The following GALNT9 variants were observed in gnomAD, a reference collection of about 807,000 sequenced individuals.
GALNT9 encodes polypeptide N-acetylgalactosaminyltransferase 9, also known as GalNAc transferase 9.
A neutral mutation model predicts 63.1 loss-of-function variants in GALNT9; 47 were observed. The observed-to-expected ratio is 0.75, with a 90% CI of 0.59 to 0.95. The LOEUF (loss-of-function observed/expected upper bound fraction) is 0.95. GALNT9 is among the 40% of genes least tolerant of loss of function. The pLI is 0.00. For missense variants in GALNT9, 829 were observed against 874.8 expected (o/e 0.95, Z 0.66); for synonymous variants, 396 against 365.7 (o/e 1.08, Z -0.94).
rs1421551459 is a variant in GALNT9, at chr12:132,316,571, G to A, written c.238+12395C>T. Among the ~76,000 whole-genome samples, 1 of 152,038 alleles carries A rather than the reference G, an allele frequency of 6.6e-6. No individual in the cohort carries two copies. The highest frequency in any genetic ancestry group is 1.5e-5 in the Non-Finnish European group (1 of 67,988). On this transcript the variant is annotated intron_variant, in intron 1 of 10. Coordinates refer to ENST00000328957, the MANE Select transcript of GALNT9 (RefSeq NM_001122636.2). The surrounding 1 kb of genome is among the most constrained non-coding windows in gnomAD (Gnocchi z 4.3). ...CAGGGAATGGCCGTCTGAGGTGCGA[G>A]GTGCTGCCAGGACCTCCCGGGTCCT...
chr12:132,223,183 C>G (rs1481445076), intron 6 of GALNT9, among the ~76,000 whole-genome samples: 3 of 109,794 alleles, frequency 2.7e-5, no homozygotes, highest in African/African-American at 1.0e-4. Flanking sequence ...ACACCGCACA[C>G]AACCCACACC....
chr12:132,209,264 C>T (rs192711796), intron 6 of GALNT9, among the ~76,000 whole-genome samples: 4 of 152,064 alleles, frequency 2.6e-5, no homozygotes, highest in South Asian at 2.1e-4. Flanking sequence ...CGGTGGCTCA[C>T]GCCTGTAATC....
chr12:132,235,201 G>A (rs1877957018), intron 6 of GALNT9, among the ~76,000 whole-genome samples: 1 of 151,776 alleles, frequency 6.6e-6, no homozygotes. Context: ...ACACTCGATG[G>A]CGTGAGAGAG....
chr12:132,212,993 G>A (rs1164872182), intron 6 of GALNT9, among the ~76,000 whole-genome samples: 1 of 127,534 alleles, frequency 7.8e-6, no homozygotes, highest in African/African-American at 3.0e-5. Context: ...CTACAGCCTT[G>A]AGACCGTGAC....
In GALNT9 at chr12:132,327,772, C is replaced by T. The variant is rs1555246624; in HGVS notation, c.238+1194G>A. ...GGAAGTCAGGGTGCTCTGAGTCAGA[C>T]AAAGCTGGGACAACCCCTCCTCATG... On this transcript the variant is annotated intron_variant, in intron 1 of 10. Transcript: ENST00000328957. The surrounding 1 kb of genome is among the most constrained non-coding windows in gnomAD (Gnocchi z 4.3). Among the ~76,000 whole-genome samples the T allele has an allele frequency of 6.6e-6, 1 of 152,116 alleles. No individual in the cohort carries two copies. Among genetic ancestry groups the T allele is most frequent in the East Asian group, 1.9e-4 (1 of 5,178 alleles).
intron 2 of GALNT9, among the ~76,000 whole-genome samples, chr12:132,270,993 C>A (rs868956211): frequency 4.8e-4 from 73 of 152,054 alleles, no homozygotes; most frequent in African/African-American, 1.7e-3. Context: ...GCAGAGAGAA[C>A]GAGACAACAG....
chr12:132,258,468 C>T (rs965118217), intron 4 of GALNT9, among the ~76,000 whole-genome samples: 15 of 125,092 alleles, frequency 1.2e-4, no homozygotes, highest in Admixed American at 3.0e-4. Context: ...GAGTGTGCAG[C>T]GGCCCCGCTC....
intron 2 of GALNT9, chr12:132,272,655 A>G (rs1879912331): frequency 6.6e-6 from 1 of 152,276 alleles, no homozygotes; most frequent in Admixed American, 6.5e-5. Context: ...TAGTTAGCAT[A>G]AAATAATTTC....
Position 132,196,806 on chromosome 12 carries a change from GGCGGCTGTCCCAGCA to G in GALNT9, c.*286_*300del, listed in dbSNP as rs1356679683. 1.7e-6 allele frequency: 2 copies of G among 1,165,686 alleles called. No individual in the cohort carries two copies. Among genetic ancestry groups the G allele is most frequent in the Non-Finnish European group, 2.1e-6 (2 of 939,968 alleles). 72.2% of individuals were successfully genotyped at this position (1,165,686 alleles called of 1,614,324 possible). On this transcript the variant is annotated 3_prime_UTR_variant, in exon 11 of 11. Coordinates refer to ENST00000328957, the MANE Select transcript of GALNT9 (RefSeq NM_001122636.2). ...GGGGGGCTGTGGTACATGCAGAGGCGGCGGCTGTCCCAGCAGCCTGGCCAGGAGATACCGTGGAGA... is the reference window on the plus strand; with the variant it reads ...GGGGGGCTGTGGTACATGCAGAGGCGGCCTGGCCAGGAGATACCGTGGAGA...
In GALNT9 at chr12:132,286,051, C is replaced by T. The variant is rs1165334793; in HGVS notation, c.419+199G>A. 1.3e-5 allele frequency among the ~76,000 whole-genome samples: 2 copies of T among 152,020 alleles called. No homozygotes were observed. Among genetic ancestry groups the T allele is most frequent in the African/African-American group, 4.8e-5 (2 of 41,514 alleles). ...TCGTGGGGGCAGTCCCCGGCCAGCA[C>T]GGGGGAGCGCTCACTTTCCCGGCCA... On this transcript the variant is annotated intron_variant, in intron 2 of 10. Coordinates refer to ENST00000328957, the MANE Select transcript of GALNT9 (RefSeq NM_001122636.2). This position sits in a 1 kb window ranked among gnomAD's most constrained non-coding sequence, Gnocchi z 7.4.
chr12:132,272,288 G>A (rs1879900296), intron 2 of GALNT9, among the ~76,000 whole-genome samples: 1 of 152,224 alleles, frequency 6.6e-6, no homozygotes, highest in African/African-American at 2.4e-5. Context: ...CAATGGTGCG[G>A]GGCGGGACAG....
At chr12:132,291,969 G>A (rs1428791400) in intron 1 of GALNT9, among the ~76,000 whole-genome samples, 2 of 152,128 alleles carry the variant, frequency 1.3e-5, no homozygotes, top group East Asian at 1.9e-4. Context: ...CTCGTGGGTC[G>A]CATCCTCACT....
At chr12:132,308,993 C>T (rs1424282390) in intron 1 of GALNT9, among the ~76,000 whole-genome samples, 2 of 152,178 alleles carry the variant, frequency 1.3e-5, no homozygotes, top group African/African-American at 2.4e-5. Context: ...CCCGGGAGGA[C>T]GCTGACAACC....
At chr12:132,226,470 A>G (rs1877692729) in intron 6 of GALNT9, among the ~76,000 whole-genome samples, 1 of 147,486 alleles carries the variant, frequency 6.8e-6, no homozygotes, top group African/African-American at 2.5e-5. Flanking sequence ...CACCCCACAC[A>G]CTGTACACAT....
intron 6 of GALNT9, among the ~76,000 whole-genome samples, chr12:132,213,480 C>CCAGT (rs1555234962): frequency 1.0e-4 from 15 of 150,664 alleles, no homozygotes; most frequent in African/African-American, 3.7e-4. Context: ...ACACTCACAC[C>CCAGT]CACACACACG....
At chr12:132,199,370 C>T in intron 8 of GALNT9, 101 bp from the exon 9 acceptor site, 8 of 823,116 alleles carry the variant, frequency 9.7e-6, no homozygotes, top group African/African-American at 1.7e-5. Flanking sequence ...AAGGAGGTGC[C>T]CGCGGGAGGA....
intron 2 of GALNT9, among the ~76,000 whole-genome samples, chr12:132,285,158 C>T (rs542506686): frequency 1.3e-5 from 2 of 152,340 alleles, no homozygotes; most frequent in African/African-American, 2.4e-5. Flanking sequence ...GCCCTCCTGC[C>T]TGCCCTCCCT....
chr12:132,217,885 C>T (rs1268393683), intron 6 of GALNT9, among the ~76,000 whole-genome samples: 2 of 151,686 alleles, frequency 1.3e-5, no homozygotes, highest in African/African-American at 2.4e-5. Flanking sequence ...CACCTAGCCA[C>T]CATCTCTATC....
At chr12:132,250,058 A>G (rs1555238402) in intron 5 of GALNT9, among the ~76,000 whole-genome samples, 1 of 152,242 alleles carries the variant, frequency 6.6e-6, no homozygotes, top group Non-Finnish European at 1.5e-5. Context: ...ACGGAGGGAC[A>G]GGTGGATACA....
Sources: gnomAD v4.1 joint callset for allele counts (sites outside exome capture counted in the v4.1 genomes callset) on GRCh38, gnomAD v4.1.1 for gene constraint, Gnocchi (gnomAD v3.1) non-coding constraint, MANE v1.5 for transcripts, NCBI Gene and HGNC (gene_info 2026-07-23, HGNC 2026-07-21) for gene names.